The following RAP1GDS1 variants were observed in gnomAD, a reference collection of about 807,000 sequenced individuals.
RAP1GDS1 encodes the protein RAP1, GTP-GDP dissociation stimulator 1.
RAP1GDS1 carries 35 observed loss-of-function variants against 71.1 expected under a neutral mutation model. That is an observed-to-expected ratio of 0.49 (90% CI 0.38 to 0.65). RAP1GDS1 has a LOEUF of 0.65. RAP1GDS1 is among the 30% of genes least tolerant of loss of function. RAP1GDS1 has a pLI of 0.00. For synonymous variants in RAP1GDS1, 229 were observed against 243.1 expected, an observed-to-expected ratio of 0.94 and a Z score of 0.54; for missense variants, 663 against 706.1, an observed-to-expected ratio of 0.94 and a Z score of 0.69.
chr4:98,334,747 A>G lies in RAP1GDS1; in HGVS notation c.113-8392A>G, dbSNP rs115247811. Among the ~76,000 whole-genome samples the G allele has an allele frequency of 7.4e-3, 1,126 of 152,100 alleles. 14 individuals carry two copies. Among genetic ancestry groups the G allele is most frequent in the African/African-American group, 0.026 (1,065 of 41,528 alleles). The stretch of plus-strand genomic sequence containing the variant: ...TTGTTAGTCAGGCAAACCTAAATTT[A>G]CATTTCCAAAAGATACTTAAGTCGT... On this transcript the variant is annotated intron_variant, in intron 2 of 14. Transcript: ENST00000408927.
At chr4:98,323,099 G>A (rs1285908487) in intron 2 of RAP1GDS1, among the ~76,000 whole-genome samples, 13 of 150,938 alleles carry the variant, frequency 8.6e-5, no homozygotes, top group East Asian at 3.9e-4. Context: ...TATCACCACC[G>A]ATCCCACAGA....
At chr4:98,378,902 G>A (rs1741571087) in intron 4 of RAP1GDS1, 115 bp from the exon 5 acceptor site, 1 of 1,005,902 alleles carries the variant, frequency 9.9e-7, no homozygotes, top group Non-Finnish European at 1.4e-6. Context: ...GTCCTGCCTA[G>A]GTTTATTTTC....
At chr4:98,345,376 A>G (rs563331198) in intron 3 of RAP1GDS1, among the ~76,000 whole-genome samples, 1 of 152,360 alleles carries the variant, frequency 6.6e-6, no homozygotes, top group East Asian at 1.9e-4. Flanking sequence ...CACAAAAAGA[A>G]TCTTTAAAAA....
intron 5 of RAP1GDS1, among the ~76,000 whole-genome samples, chr4:98,385,010 A>G (rs1742530718): frequency 6.6e-6 from 1 of 151,450 alleles, no homozygotes; most frequent in Non-Finnish European, 1.5e-5. Flanking sequence ...TCTCATTTTT[A>G]TTTGCTTTAT....
At chr4:98,390,673 G>T (rs984499788) in intron 5 of RAP1GDS1, among the ~76,000 whole-genome samples, 2 of 152,034 alleles carry the variant, frequency 1.3e-5, no homozygotes, top group Non-Finnish European at 2.9e-5. Flanking sequence ...ATGTGAGATA[G>T]CTCAACTCTG....
chr4:98,408,761 C>T (rs1746548652), intron 7 of RAP1GDS1, among the ~76,000 whole-genome samples: 1 of 152,116 alleles, frequency 6.6e-6, no homozygotes, highest in Admixed American at 6.5e-5. Context: ...TAGTATAATT[C>T]ATCACCTTAA....
chr4:98,329,917 T>G (rs992135979), intron 2 of RAP1GDS1, among the ~76,000 whole-genome samples: 1 of 152,102 alleles, frequency 6.6e-6, no homozygotes, highest in Non-Finnish European at 1.5e-5. Context: ...CCTTATATTC[T>G]CCTCTTTTTT....
intron 2 of RAP1GDS1, among the ~76,000 whole-genome samples, chr4:98,314,334 T>A (rs1219888610): frequency 6.6e-6 from 1 of 152,200 alleles, no homozygotes; most frequent in African/African-American, 2.4e-5. Flanking sequence ...ATGAAAAACT[T>A]CGTTCTTAAC....
At chr4:98,352,039 T>G (rs887342284) in intron 3 of RAP1GDS1, among the ~76,000 whole-genome samples, 3 of 150,940 alleles carry the variant, frequency 2.0e-5, no homozygotes, top group Admixed American at 6.6e-5. Flanking sequence ...TATAGGCTTT[T>G]TTAGAAAACA....
chr4:98,408,899 A>G (rs1341080347), intron 7 of RAP1GDS1, among the ~76,000 whole-genome samples: 2 of 152,192 alleles, frequency 1.3e-5, no homozygotes, highest in South Asian at 4.1e-4. Flanking sequence ...TCTGAAAAAG[A>G]TATCTATGAG....
intron 7 of RAP1GDS1, among the ~76,000 whole-genome samples, chr4:98,412,609 G>A (rs1448072089): frequency 6.6e-6 from 1 of 152,158 alleles, no homozygotes; most frequent in East Asian, 1.9e-4. Flanking sequence ...CATTTAGATA[G>A]GCCAGTTTAG....
intron 6 of RAP1GDS1, among the ~76,000 whole-genome samples, chr4:98,394,683 C>G (rs185294067): frequency 6.6e-6 from 1 of 151,896 alleles, no homozygotes; most frequent in Admixed American, 6.6e-5. Context: ...ATCTAAGTTA[C>G]GAACACATGA....
At chr4:98,278,744 A>G (rs1337817017) in intron 1 of RAP1GDS1, among the ~76,000 whole-genome samples, 1 of 152,204 alleles carries the variant, frequency 6.6e-6, no homozygotes, top group African/African-American at 2.4e-5. Context: ...TGGGGGGCCT[A>G]TTTTATAAGG....
intron 7 of RAP1GDS1, among the ~76,000 whole-genome samples, chr4:98,413,382 C>T (rs1747383854): frequency 6.6e-6 from 1 of 151,918 alleles, no homozygotes; most frequent in African/African-American, 2.4e-5. Flanking sequence ...CCCCCCACCC[C>T]ACCACAGTCC....
intron 10 of RAP1GDS1, among the ~76,000 whole-genome samples, chr4:98,419,566 CT>C (rs546786749): frequency 7.5e-4 from 114 of 152,212 alleles, no homozygotes; most frequent in Admixed American, 7.2e-4. Context: ...AAATAAATTT[CT>C]GATTAGATGA....
intron 1 of RAP1GDS1, among the ~76,000 whole-genome samples, chr4:98,281,987 G>A (rs1279150733): frequency 1.3e-5 from 2 of 152,138 alleles, no homozygotes; most frequent in South Asian, 2.1e-4. Context: ...TAAGCTTTTT[G>A]ATGTGCTGCT....
chr4:98,323,276 A>C (rs999011753), intron 2 of RAP1GDS1, among the ~76,000 whole-genome samples: 1 of 147,644 alleles, frequency 6.8e-6, no homozygotes, highest in African/African-American at 2.6e-5. Flanking sequence ...TGTGGCAATA[A>C]TCAATAGTTT....
intron 1 of RAP1GDS1, among the ~76,000 whole-genome samples, chr4:98,273,934 G>A (rs534598869): frequency 6.6e-6 from 1 of 152,240 alleles, no homozygotes; most frequent in South Asian, 2.1e-4. Flanking sequence ...CACTTGCAGT[G>A]AGGTCTGAAA....
intron 2 of RAP1GDS1, among the ~76,000 whole-genome samples, chr4:98,305,431 C>T (rs1314744349): frequency 6.6e-6 from 1 of 152,050 alleles, no homozygotes; most frequent in African/African-American, 2.4e-5. Flanking sequence ...AAGGAGAAGG[C>T]TGTATATAGG....
Sources: allele counts gnomAD v4.1 joint callset (sites outside exome capture counted in the v4.1 genomes callset), GRCh38; gene constraint gnomAD v4.1.1; transcripts MANE v1.5; gene names NCBI Gene and HGNC (gene_info 2026-07-23, HGNC 2026-07-21).